RPGRIP1L: variants seen among roughly 807,000 people sequenced by gnomAD.
RPGRIP1L encodes the protein RPGRIP1 like, also known as protein fantom.
RPGRIP1L carries 131 observed loss-of-function variants against 160.4 expected under a neutral mutation model. The observed-to-expected ratio is 0.82, with a 90% CI of 0.71 to 0.94. The LOEUF (loss-of-function observed/expected upper bound fraction) is 0.94. Among genes scored for constraint, RPGRIP1L ranks in the 40% least tolerant of loss-of-function variants. RPGRIP1L has a pLI of 0.00. For missense variants in RPGRIP1L, 1,522 were observed against 1,535.8 expected (o/e 0.99, Z 0.15); for synonymous variants, 510 against 515.8 (o/e 0.99, Z 0.15).
At chr16:53,691,671 T>C (rs539098599) in intron 4 of RPGRIP1L, among the ~76,000 whole-genome samples, 2 of 152,344 alleles carry the variant, frequency 1.3e-5, no homozygotes, top group South Asian at 2.1e-4. Context: ...TTCAACACTT[T>C]TGCAAATTTC....
In RPGRIP1L at chr16:53,660,173, CTT is replaced by C. The variant is rs1476378790; in HGVS notation, c.1244-1297_1244-1296del. ...ATAATCTCACGTACTTAAGTGTACT[CTT>C]TGCTAGAGCTCACTGTCACACTCAG... is the stretch of plus-strand genomic sequence containing the variant. On this transcript the variant is annotated intron_variant, in intron 10 of 26. Transcript: ENST00000647211. 4.6e-5 allele frequency among the ~76,000 whole-genome samples: 7 copies of C among 152,278 alleles called. No individual in the cohort carries two copies. The East Asian group carries it at 1.4e-3, about 29-fold the overall frequency.
At chr16:53,632,740 T>C (rs1001169521) in intron 22 of RPGRIP1L, among the ~76,000 whole-genome samples, 7 of 152,202 alleles carry the variant, frequency 4.6e-5, no homozygotes, top group African/African-American at 2.4e-5. Flanking sequence ...CTACGTTCTC[T>C]CAGATTCTCA....
chr16:53,676,062 G>A (rs1297975479), intron 6 of RPGRIP1L, among the ~76,000 whole-genome samples: 1 of 152,046 alleles, frequency 6.6e-6, no homozygotes, highest in African/African-American at 2.4e-5. Flanking sequence ...CTTATCTAGT[G>A]TACACATATT....
chr16:53,637,287 C>T (rs1159939239), intron 21 of RPGRIP1L, among the ~76,000 whole-genome samples: 1 of 152,176 alleles, frequency 6.6e-6, no homozygotes, highest in Non-Finnish European at 1.5e-5. Flanking sequence ...TGCCCCTCCC[C>T]ATTCCTATTC....
chr16:53,624,588 T>C (rs1964953330), intron 22 of RPGRIP1L, among the ~76,000 whole-genome samples: 1 of 151,856 alleles, frequency 6.6e-6, no homozygotes, highest in Admixed American at 6.6e-5. Flanking sequence ...TGGGGAGTGG[T>C]TATTATTAAC....
chr16:53,664,743 CTG>C, intron 10 of RPGRIP1L, 125 bp downstream of exon 10: 1 of 1,050,682 alleles, frequency 9.5e-7, no homozygotes, highest in Non-Finnish European at 1.5e-6. Flanking sequence ...GAGTGGATGA[CTG>C]TGTCTGTCCC....
Position 53,642,595 on chromosome 16 carries a change from G to A in RPGRIP1L, c.2684-1120C>T, listed in dbSNP as rs111287879. ...AAAAATGATAAAACTGGACAAAATG[G>A]TCAGAAACAACCATTTAAGGAGTCT... is the stretch of plus-strand genomic sequence containing the variant. On this transcript the variant is annotated intron_variant, in intron 17 of 26. Transcript: ENST00000647211. 9.9e-5 allele frequency among the ~76,000 whole-genome samples: 15 copies of A among 152,210 alleles called. No homozygotes were observed. In the East Asian group the frequency reaches 1.9e-3, roughly 20 times the overall value.
chr16:53,614,345 C>T lies in RPGRIP1L; in HGVS notation c.3617-3294G>A, dbSNP rs1389954294. On this transcript the variant is annotated intron_variant, in intron 24 of 26. Coordinates refer to ENST00000647211, the MANE Select transcript of RPGRIP1L (RefSeq NM_015272.5). ...GGTTCTCAGTCTTTATTGTGTATCA[C>T]AACCCCTTAAAAGGCTTGTTAAAAT... Among the ~76,000 whole-genome samples, 3 of 152,298 alleles carry T rather than the reference C, an allele frequency of 2.0e-5. No homozygotes were observed. The South Asian group carries it at 6.2e-4, about 32-fold the overall frequency.
At chr16:53,637,885 A>G (rs1285619364) in intron 20 of RPGRIP1L, 31 bp from the exon 21 acceptor site, 1 of 1,600,298 alleles carries the variant, frequency 6.2e-7, no homozygotes, top group Non-Finnish European at 8.5e-7. Flanking sequence ...TGGTATATTT[A>G]TAATTGCTTA....
rs1346814950 is a variant in RPGRIP1L at position 53,619,170 on chromosome 16, G to A, written c.3471C>T (p.Ser1157=). Residue 1157 remains serine (S), a synonymous_variant, in exon 24 of 27, where the codon AGC becomes AGT. Coordinates refer to ENST00000647211, the MANE Select transcript of RPGRIP1L (RefSeq NM_015272.5). Reference sequence around the variant, plus strand: ...CCATGGTTACTTGAGAATCATTAAGGCTTAGAGCTATGATCTCAATCCGAA... The same window carrying A: ...CCATGGTTACTTGAGAATCATTAAGACTTAGAGCTATGATCTCAATCCGAA... ...EKIRIEIIAL[S]LNDSQVTMDD... is the part of the protein sequence containing the mutation. The A allele has an allele frequency of 6.2e-7, 1 of 1,613,818 alleles. No homozygotes were observed. Among genetic ancestry groups the A allele is most frequent in the South Asian group, 1.1e-5 (1 of 91,074 alleles).
chr16:53,695,850 G>T, intron 3 of RPGRIP1L: 1 of 320,282 alleles, frequency 3.1e-6, no homozygotes, highest in East Asian at 7.0e-5. Context: ...CAGATGCTTT[G>T]GCCATTTGCT....
chr16:53,696,011 T>A (rs1306263217), intron 3 of RPGRIP1L, 140 bp downstream of exon 3: 1 of 817,786 alleles, frequency 1.2e-6, no homozygotes, highest in Non-Finnish European at 2.0e-6. Flanking sequence ...AGATTTTCCA[T>A]TTTTAAAAAT....
At chr16:53,656,083 T>C (rs1201674299) in intron 14 of RPGRIP1L, among the ~76,000 whole-genome samples, 2 of 152,188 alleles carry the variant, frequency 1.3e-5, no homozygotes. Context: ...TTTGAGTTTG[T>C]AGTAATTTAT....
chr16:53,696,111 A>T (rs200384702), intron 3 of RPGRIP1L, 40 bp downstream of exon 3: 1 of 1,601,700 alleles, frequency 6.2e-7, no homozygotes, highest in South Asian at 1.1e-5. Flanking sequence ...TCCAAATTTT[A>T]CTGAGTCAAG....
At chr16:53,693,592 G>A (rs1190654454) in intron 3 of RPGRIP1L, 1 of 152,180 alleles carries the variant, frequency 6.6e-6, no homozygotes, top group African/African-American at 2.4e-5. Flanking sequence ...CATTAAGCAT[G>A]CTTTATAAAG....
intron 22 of RPGRIP1L, among the ~76,000 whole-genome samples, chr16:53,624,890 C>T (rs1247286561): frequency 6.6e-6 from 1 of 151,970 alleles, no homozygotes; most frequent in African/African-American, 2.4e-5. Context: ...CTCAGCCTGC[C>T]GAGTGCCTGG....
chr16:53,641,515 G>T, intron 17 of RPGRIP1L, 40 bp from the exon 18 acceptor site: 1 of 1,532,764 alleles, frequency 6.5e-7, no homozygotes. Flanking sequence ...CTAGAGTGAA[G>T]TTTTATTACT....
chr16:53,700,797 A>G, intron 1 of RPGRIP1L, 67 bp from the exon 2 acceptor site: 4 of 1,204,702 alleles, frequency 3.3e-6, no homozygotes, highest in Non-Finnish European at 4.9e-6. Flanking sequence ...AATGGAATGA[A>G]CCAAATAAAA....
At chr16:53,680,322 T>C (rs1252627944) in intron 6 of RPGRIP1L, among the ~76,000 whole-genome samples, 1 of 152,114 alleles carries the variant, frequency 6.6e-6, no homozygotes, top group Non-Finnish European at 1.5e-5. Context: ...AAGGTCTGCA[T>C]GGCTATCCCT....
Sources: gnomAD v4.1 joint callset for allele counts (sites outside exome capture counted in the v4.1 genomes callset) on GRCh38, gnomAD v4.1.1 for gene constraint, MANE v1.5 for transcripts, NCBI Gene and HGNC (gene_info 2026-07-23, HGNC 2026-07-21) for gene names.